MYO5B: variants seen among roughly 807,000 people sequenced by gnomAD.
MYO5B encodes the protein unconventional myosin-Vb.
Under a neutral mutation model 229.3 loss-of-function variants are expected in MYO5B, and 143 were observed. The ratio of observed to expected loss-of-function variants is 0.62; its 90% confidence interval spans 0.54 to 0.72. The LOEUF (loss-of-function observed/expected upper bound fraction) is 0.72. Among genes scored for constraint, MYO5B ranks in the 30% least tolerant of loss-of-function variants. The probability of loss-of-function intolerance (pLI) is 0.00; values close to 1 mark genes in which losing one functional copy is unlikely to be tolerated. For missense variants in MYO5B, 2,321 were observed against 2,331.0 expected, an observed-to-expected ratio of 1.00 and a Z score of 0.09; for synonymous variants, 918 against 885.2, an observed-to-expected ratio of 1.04 and a Z score of -0.66.
At position 49,984,793 on chromosome 18, in the gene MYO5B, C is replaced by T; in HGVS notation, c.871G>A (p.Gly291Arg). 7 of 1,613,734 alleles carry T rather than the reference C, an allele frequency of 4.3e-6. No individual in the cohort carries two copies. The highest frequency in any genetic ancestry group is 5.1e-6 in the Non-Finnish European group (6 of 1,179,680). The part of the protein sequence containing the change: ...SAEDFFYTSQ[G>R]GDTSIEGVDD... ...ACACCCTCGATGGAAGTGTCTCCTC[C>T]CTGTGATGTATAGAAAAAGTCCTCT... The change falls in exon 8 of 40, where the codon GGA (glycine) becomes AGA (arginine). Residue 291 changes from glycine to arginine, a missense_variant. Gly to Arg is a moderately radical substitution (Grantham distance 125). Coordinates refer to ENST00000285039, the MANE Select transcript of MYO5B (RefSeq NM_001080467.3).
At chr18:49,864,840 G>A (rs1366371284) in intron 27 of MYO5B, among the ~76,000 whole-genome samples, 4 of 152,146 alleles carry the variant, frequency 2.6e-5, no homozygotes, top group Non-Finnish European at 4.4e-5. Flanking sequence ...TATTTTTCAG[G>A]AAGCATCATT....
intron 39 of MYO5B, among the ~76,000 whole-genome samples, chr18:49,829,155 C>G (rs865803561): frequency 6.7e-6 from 1 of 149,972 alleles, no homozygotes; most frequent in Admixed American, 6.7e-5. Context: ...GATCTCTGCT[C>G]ACAATCTCCG....
At chr18:49,994,106 T>C (rs960210639) in intron 5 of MYO5B, among the ~76,000 whole-genome samples, 1 of 152,162 alleles carries the variant, frequency 6.6e-6, no homozygotes, top group South Asian at 2.1e-4. Context: ...TCAGCATCGA[T>C]GTCGCTTCTT....
intron 16 of MYO5B, among the ~76,000 whole-genome samples, chr18:49,930,869 G>C (rs1413665226): frequency 6.9e-6 from 1 of 145,756 alleles, no homozygotes; most frequent in African/African-American, 2.5e-5. Flanking sequence ...TGCAGCCTGG[G>C]TGACAGAGTG....
At chr18:49,887,334 G>A (rs1388345853) in intron 22 of MYO5B, among the ~76,000 whole-genome samples, 1 of 152,096 alleles carries the variant, frequency 6.6e-6, no homozygotes, top group Non-Finnish European at 1.5e-5. Flanking sequence ...CTCAAAGGAT[G>A]GCAAGGGGTC....
intron 14 of MYO5B, among the ~76,000 whole-genome samples, chr18:49,952,903 G>C (rs1415939051): frequency 6.6e-6 from 1 of 151,584 alleles, no homozygotes; most frequent in East Asian, 1.9e-4. Flanking sequence ...CAGATGACAT[G>C]ATGGACACCA....
rs765661059 is a variant in MYO5B, at chr18:49,894,964, T to C, written c.3022A>G (p.Arg1008Gly). Residue 1008 changes from arginine (R) to glycine (G), a missense_variant, in exon 22 of 40, where the codon AGG (arginine) becomes GGG (glycine). By Grantham distance (125) the Arg-to-Gly change is moderately radical. This residue lies in a region of MYO5B where 2,113 missense variants were observed against 2,044.7 expected (regional missense o/e 1.03). Coordinates refer to ENST00000285039, the MANE Select transcript of MYO5B (RefSeq NM_001080467.3). Reference protein sequence around the residue: ...ERKILEDAHSREKDELRKRVA... With the variant: ...ERKILEDAHSGEKDELRKRVA... ...ACCTTCCTCAGCTCATCTTTCTCCC[T>C]GCTGTGGGCGTCCTCCAAGATCTTG... 7 of 1,613,308 alleles carry C rather than the reference T, an allele frequency of 4.3e-6. No homozygotes were observed. The African/African-American group carries it at 5.3e-5, about 12-fold the overall frequency.
At position 50,131,683 on chromosome 18, in the gene MYO5B, C is replaced by G. The variant is rs138361774; in HGVS notation, c.27+63084G>C. Among the ~76,000 whole-genome samples, 964 of 152,290 alleles carry G rather than the reference C, an allele frequency of 6.3e-3. 5 individuals are homozygous for G. Among genetic ancestry groups the G allele is most frequent in the African/African-American group, 0.019 (810 of 41,542 alleles). ...GTAGCTCAAAAACCTATGGGGGCAA[C>G]AGGCAGTTTGAAAGCATTTAGCTGG... On this transcript the variant is annotated intron_variant, in intron 1 of 39. Coordinates refer to ENST00000285039, the MANE Select transcript of MYO5B (RefSeq NM_001080467.3).
intron 1 of MYO5B, among the ~76,000 whole-genome samples, chr18:50,128,998 A>G (rs980303840): frequency 6.6e-6 from 1 of 151,468 alleles, no homozygotes; most frequent in African/African-American, 2.4e-5. Flanking sequence ...TTAAAATCAC[A>G]GAAGAACCAC....
intron 18 of MYO5B, 57 bp from the exon 19 acceptor site, chr18:49,906,687 G>A (rs1370189578): frequency 4.8e-6 from 7 of 1,443,860 alleles, no homozygotes; most frequent in Non-Finnish European, 6.8e-6. Flanking sequence ...AAATAACATG[G>A]CCCATACCAC....
At chr18:50,073,968 C>T (rs930802217) in intron 1 of MYO5B, among the ~76,000 whole-genome samples, 28 of 152,290 alleles carry the variant, frequency 1.8e-4, no homozygotes, top group African/African-American at 6.7e-4. Flanking sequence ...TCCTAGACTG[C>T]TCCTTCTCCT....
chr18:49,908,392 G>A (rs1197982646), intron 18 of MYO5B, among the ~76,000 whole-genome samples: 1 of 152,168 alleles, frequency 6.6e-6, no homozygotes, highest in Non-Finnish European at 1.5e-5. Context: ...TCAGACTGCA[G>A]GGGCTGAAAG....
intron 2 of MYO5B, 33 bp downstream of exon 2, chr18:50,055,235 A>AACCCCCCC: frequency 2.8e-6 from 1 of 353,290 alleles, no homozygotes. Flanking sequence ...GCCCCACCTC[A>AACCCCCCC]CCCCCGCCCC....
chr18:50,155,082 A>G (rs1483647229), intron 1 of MYO5B, among the ~76,000 whole-genome samples: 1 of 152,190 alleles, frequency 6.6e-6, no homozygotes, highest in African/African-American at 2.4e-5. Flanking sequence ...CTGTTAAAAA[A>G]CAACAACTTG....
intron 1 of MYO5B, among the ~76,000 whole-genome samples, chr18:50,115,547 GACACACAC>G (rs56886992): frequency 0.097 from 12,071 of 124,954 alleles, 678 homozygotes; most frequent in African/African-American, 0.18. Flanking sequence ...CACACAGAGA[GACACACAC>G]ACACACACAC....
At chr18:50,066,553 G>C (rs2030824109) in intron 1 of MYO5B, among the ~76,000 whole-genome samples, 1 of 139,474 alleles carries the variant, frequency 7.2e-6, no homozygotes, top group African/African-American at 2.7e-5. Flanking sequence ...GCTAAGAATA[G>C]AGAAGAAATG....
At chr18:50,049,319 C>T (rs1052938091) in intron 2 of MYO5B, among the ~76,000 whole-genome samples, 3 of 152,020 alleles carry the variant, frequency 2.0e-5, no homozygotes, top group African/African-American at 7.3e-5. Context: ...AACAGTGATG[C>T]AAGTAATTAG....
intron 12 of MYO5B, among the ~76,000 whole-genome samples, chr18:49,961,107 T>C (rs1055971049): frequency 2.6e-5 from 4 of 152,224 alleles, no homozygotes; most frequent in African/African-American, 9.7e-5. Flanking sequence ...TAGTAGTGGA[T>C]GCTGAAACCA....
At chr18:49,993,025 C>T (rs1030517052) in intron 5 of MYO5B, among the ~76,000 whole-genome samples, 10 of 152,152 alleles carry the variant, frequency 6.6e-5, no homozygotes, top group African/African-American at 2.4e-4. Context: ...AAGCCATCAT[C>T]CCTCTTGGTA....
Sources: allele counts gnomAD v4.1 joint callset (sites outside exome capture counted in the v4.1 genomes callset), GRCh38; gene constraint gnomAD v4.1.1; regional missense constraint gnomAD v4.1.1; transcripts MANE v1.5; gene names NCBI Gene and HGNC (gene_info 2026-07-23, HGNC 2026-07-21).